ANKRD29: variants seen among roughly 807,000 people sequenced by gnomAD.
ANKRD29 encodes the protein ankyrin repeat domain 29.
In ANKRD29, 32 loss-of-function variants were observed where a neutral mutation model predicts 38.0. That is an observed-to-expected ratio of 0.84 (90% CI 0.64 to 1.13). ANKRD29 has a LOEUF of 1.13. Among genes scored for constraint, ANKRD29 ranks in the 50% most tolerant of loss-of-function variants. The pLI, the probability that ANKRD29 is intolerant of heterozygous loss-of-function variation, is 0.00. For missense variants in ANKRD29, 357 were observed against 377.9 expected (o/e 0.94, Z 0.46); for synonymous variants, 135 against 152.4 (o/e 0.89, Z 0.84).
intron 8 of ANKRD29, 21 bp from the exon 9 acceptor site, chr18:23,612,211 G>A (rs771295705): frequency 6.2e-6 from 10 of 1,601,124 alleles, no homozygotes; most frequent in Non-Finnish European, 8.5e-6. Flanking sequence ...ATGACAGTGT[G>A]TGTCAGGAGT....
Position 23,646,215 on chromosome 18 carries a change from C to T in ANKRD29, c.205G>A (p.Gly69Arg), listed in dbSNP as rs1171646621. The change falls in exon 3 of 10, where the codon GGA becomes AGA. Residue 69 changes from glycine (G) to arginine (R), a missense_variant. Physicochemically the swap from Gly to Arg is moderately radical, Grantham distance 125. Transcript: ENST00000592179. ...IDCVRELVLQ[G>R]ADINLQRESG... ...TCTCTCTGGAGATTGATGTCTGCTC[C>T]TTGCAGAACCAGTTCCCTCACACAG... 3 of 1,614,016 alleles carry T rather than the reference C, an allele frequency of 1.9e-6. No homozygotes were observed. The highest frequency in any genetic ancestry group is 3.3e-5 in the Admixed American group (2 of 60,006).
rs1325428860 is a variant in ANKRD29, at chr18:23,599,652, TG to T, written c.*1573del. ...TTTTAGCCACCAAAATGTTTATATCTGGATGTTTTAGCAACAGAGAGCTTTC... is the reference window on the plus strand; with the variant it reads ...TTTTAGCCACCAAAATGTTTATATCTGATGTTTTAGCAACAGAGAGCTTTC... On this transcript the variant is annotated 3_prime_UTR_variant, in exon 10 of 10. Coordinates refer to ENST00000592179, the MANE Select transcript of ANKRD29 (RefSeq NM_173505.4). 6.6e-6 allele frequency: 1 copy of T among 152,230 alleles called. No individual in the cohort carries two copies. The highest frequency in any genetic ancestry group is 1.5e-5 in the Non-Finnish European group (1 of 68,034). 9.4% of individuals were successfully genotyped at this position (152,230 alleles called of 1,614,324 possible). A position where few individuals can be genotyped will look rare whatever the true frequency, so the allele number is the denominator to read the frequency against.
rs2145621319 is a variant in ANKRD29, at chr18:23,600,681, A to T, written c.*545T>A. On this transcript the variant is annotated 3_prime_UTR_variant, in exon 10 of 10. Coordinates refer to ENST00000592179, the MANE Select transcript of ANKRD29 (RefSeq NM_173505.4). ...TGGTTTTTTAATAATGTATGTTTAC[A>T]CTTCATTGATTTATAACAATCATGG... 1 of 152,888 alleles carries T rather than the reference A, an allele frequency of 6.5e-6. No homozygotes were observed. Among genetic ancestry groups the T allele is most frequent in the East Asian group, 1.9e-4 (1 of 5,192 alleles). 9.5% of individuals were successfully genotyped at this position (152,888 alleles called of 1,614,324 possible).
At chr18:23,643,235 C>T (rs2145716833) in intron 3 of ANKRD29, among the ~76,000 whole-genome samples, 1 of 152,322 alleles carries the variant, frequency 6.6e-6, no homozygotes, top group South Asian at 2.1e-4. Flanking sequence ...TGACCATTCA[C>T]AGGGCCTTTC....
intron 4 of ANKRD29, among the ~76,000 whole-genome samples, chr18:23,637,484 A>T (rs2060017328): frequency 1.3e-5 from 2 of 151,682 alleles, no homozygotes; most frequent in African/African-American, 4.9e-5. Context: ...TGCCGCCTTG[A>T]CCTCTCGGGC....
At position 23,617,813 on chromosome 18, in the gene ANKRD29, T is replaced by C. The variant is rs902779487; in HGVS notation, c.642A>G (p.Ala214=). The part of the protein sequence containing the change: ...RDAARNDGTT[A]LLKAANKGYN... Reference sequence around the variant, plus strand: ...ACCCTTTGTTGGCTGCTTTCAATAATGCTGTTGTGCCATCCTTAACAGAAA... The same window carrying C: ...ACCCTTTGTTGGCTGCTTTCAATAACGCTGTTGTGCCATCCTTAACAGAAA... The change falls in exon 8 of 10, where the codon GCA becomes GCG. Residue 214 remains alanine, a synonymous_variant. Coordinates refer to ENST00000592179, the MANE Select transcript of ANKRD29 (RefSeq NM_173505.4). 3 of 1,613,840 alleles carry C rather than the reference T, an allele frequency of 1.9e-6. No homozygotes were observed. Among genetic ancestry groups the C allele is most frequent in the African/African-American group, 2.7e-5 (2 of 74,936 alleles).
intron 8 of ANKRD29, among the ~76,000 whole-genome samples, chr18:23,616,540 T>C (rs1305939188): frequency 8.5e-6 from 1 of 117,522 alleles, no homozygotes; most frequent in Non-Finnish European, 1.7e-5. Flanking sequence ...ATTTATACTA[T>C]ATATATATAG....
intron 8 of ANKRD29, among the ~76,000 whole-genome samples, chr18:23,613,500 T>G (rs2059671217): frequency 6.6e-6 from 1 of 152,036 alleles, no homozygotes; most frequent in South Asian, 2.1e-4. Context: ...AAAAAAGAGC[T>G]ATTTGAAACA....
intron 6 of ANKRD29, among the ~76,000 whole-genome samples, chr18:23,620,319 A>G (rs1464890820): frequency 6.6e-6 from 1 of 152,176 alleles, no homozygotes; most frequent in African/African-American, 2.4e-5. Context: ...GCAGGACAGC[A>G]TTTTGGGGAA....
At chr18:23,636,377 C>G (rs1214222674) in intron 4 of ANKRD29, among the ~76,000 whole-genome samples, 1 of 152,150 alleles carries the variant, frequency 6.6e-6, no homozygotes, top group Non-Finnish European at 1.5e-5. Flanking sequence ...TGGGCTCAAG[C>G]AATCCTCCCA....
chr18:23,651,916 C>G (rs951233621), intron 1 of ANKRD29, among the ~76,000 whole-genome samples: 5 of 152,190 alleles, frequency 3.3e-5, no homozygotes, highest in Admixed American at 3.3e-4. Context: ...AACTCCACAG[C>G]CTTGGTCTGT....
intron 4 of ANKRD29, among the ~76,000 whole-genome samples, chr18:23,635,141 C>T (rs2059986289): frequency 6.6e-6 from 1 of 151,960 alleles, no homozygotes; most frequent in Admixed American, 6.6e-5. Flanking sequence ...TGGTGGTGTG[C>T]GCCTGTAGTC....
intron 5 of ANKRD29, among the ~76,000 whole-genome samples, chr18:23,631,771 A>G (rs558777162): frequency 6.6e-6 from 1 of 152,278 alleles, no homozygotes; most frequent in Non-Finnish European, 1.5e-5. Flanking sequence ...CTGAGTATCT[A>G]TGCCTTCTGG....
At chr18:23,639,763 T>C (rs1025938648) in intron 3 of ANKRD29, among the ~76,000 whole-genome samples, 2 of 152,142 alleles carry the variant, frequency 1.3e-5, no homozygotes, top group Admixed American at 6.5e-5. Flanking sequence ...CTCAAAGTCC[T>C]GGCCTCAAGT....
intron 6 of ANKRD29, among the ~76,000 whole-genome samples, chr18:23,626,684 A>G (rs903853016): frequency 6.6e-6 from 1 of 152,208 alleles, no homozygotes. Flanking sequence ...TGGGATTATG[A>G]TTCCTCATCC....
At chr18:23,622,899 T>C (rs556830098) in intron 6 of ANKRD29, among the ~76,000 whole-genome samples, 1 of 152,330 alleles carries the variant, frequency 6.6e-6, no homozygotes, top group East Asian at 1.9e-4. Context: ...AGAACATCAA[T>C]GATAACACTC....
chr18:23,624,161 A>C (rs1365016558), intron 6 of ANKRD29, among the ~76,000 whole-genome samples: 2 of 151,902 alleles, frequency 1.3e-5, no homozygotes, highest in Non-Finnish European at 2.9e-5. Flanking sequence ...TAACCTCTAC[A>C]GCACTTTTTT....
chr18:23,640,427 T>A (rs1939470887), intron 3 of ANKRD29, among the ~76,000 whole-genome samples: 1 of 152,206 alleles, frequency 6.6e-6, no homozygotes, highest in African/African-American at 2.4e-5. Context: ...CATTCCTTAA[T>A]ACAGGGAAGA....
chr18:23,662,613 G>GGCCCCCCCCCC, intron 1 of ANKRD29, 97 bp downstream of exon 1: 1 of 403,938 alleles, frequency 2.5e-6, no homozygotes, highest in Non-Finnish European at 4.5e-6. Context: ...AGCGGGCAGC[G>GGCCCCCCCCCC]CCCACCCCAT....
Sources: gnomAD v4.1 joint callset for allele counts (sites outside exome capture counted in the v4.1 genomes callset) on GRCh38, gnomAD v4.1.1 for gene constraint, MANE v1.5 for transcripts, NCBI Gene and HGNC (gene_info 2026-07-23, HGNC 2026-07-21) for gene names.